Variants in GFPT2 observed in about 807,000 individuals in gnomAD.
The protein encoded by GFPT2 is glutamine--fructose-6-phosphate transaminase 2, also known as glutamine--fructose-6-phosphate aminotransferase [isomerizing] 2.
A neutral mutation model predicts 85.6 loss-of-function variants in GFPT2; 62 were observed. That is an observed-to-expected ratio of 0.72 (90% CI 0.59 to 0.90). The LOEUF (loss-of-function observed/expected upper bound fraction) is 0.90. Among genes scored for constraint, GFPT2 ranks in the 40% least tolerant of loss-of-function variants. The pLI is 0.00. For synonymous variants in GFPT2, 368 were observed against 344.5 expected (o/e 1.07, Z -0.75); for missense variants, 788 against 893.4 (o/e 0.88, Z 1.50).
chr5:180,347,040 C>A (rs1764622754), intron 1 of GFPT2, among the ~76,000 whole-genome samples: 1 of 152,208 alleles, frequency 6.6e-6, no homozygotes, highest in African/African-American at 2.4e-5. Context: ...TTATTTCTCA[C>A]ATTGAAGAGA....
intron 3 of GFPT2, 197 bp from the exon 4 acceptor site, chr5:180,336,150 C>T: frequency 1.7e-6 from 1 of 573,120 alleles, no homozygotes; most frequent in East Asian, 2.9e-5. Context: ...TGTAGCTTAG[C>T]TCACTTCTTC....
intron 1 of GFPT2, among the ~76,000 whole-genome samples, chr5:180,343,242 T>C (rs1185444985): frequency 1.3e-5 from 2 of 151,920 alleles, no homozygotes; most frequent in Non-Finnish European, 2.9e-5. Flanking sequence ...CCCCTGCAGC[T>C]CCCCCACCTC....
chr5:180,301,972 G>A (rs963545291), intron 18 of GFPT2, among the ~76,000 whole-genome samples: 3 of 151,174 alleles, frequency 2.0e-5, no homozygotes, highest in Non-Finnish European at 4.4e-5. Flanking sequence ...GGAGTGGGAA[G>A]GAAAGGTAGG....
At chr5:180,337,183 G>A (rs187615447) in intron 2 of GFPT2, among the ~76,000 whole-genome samples, 8 of 152,290 alleles carry the variant, frequency 5.3e-5, no homozygotes, top group African/African-American at 1.7e-4. Context: ...GGCCGGGTGC[G>A]GTGGCTCACG....
intron 4 of GFPT2, among the ~76,000 whole-genome samples, chr5:180,332,259 G>A (rs903245591): frequency 2.4e-5 from 3 of 124,198 alleles, no homozygotes; most frequent in African/African-American, 4.1e-5. Flanking sequence ...GGGGAGCAGG[G>A]GGATGCGGGG....
chr5:180,307,355 C>T lies in GFPT2; in HGVS notation c.1547-52G>A, dbSNP rs201502340. 1.3e-4 allele frequency: 207 copies of T among 1,592,796 alleles called. No individual in the cohort carries two copies. The Middle Eastern group carries it at 4.3e-3, about 33-fold the overall frequency. On this transcript the variant is annotated intron_variant, in intron 15 of 18. Coordinates refer to ENST00000253778, the MANE Select transcript of GFPT2 (RefSeq NM_005110.4). ...AAAACCAGTCAGGCCGACTTTAAAG[C>T]AATATTCATGAAGACAAATGCTGGG...
intron 17 of GFPT2, among the ~76,000 whole-genome samples, chr5:180,303,201 G>A (rs1168786860): frequency 2.0e-5 from 3 of 148,126 alleles, no homozygotes; most frequent in African/African-American, 7.6e-5. Flanking sequence ...CTGCACTCCA[G>A]CCTGGGCGAC....
intron 15 of GFPT2, among the ~76,000 whole-genome samples, chr5:180,308,792 C>A (rs114801691): frequency 0.021 from 3,156 of 152,140 alleles, 80 homozygotes; most frequent in East Asian, 0.098. Context: ...GTATGTAAAT[C>A]TTCTTAAAAT....
chr5:180,338,007 C>CT (rs1310739153), intron 2 of GFPT2, among the ~76,000 whole-genome samples: 2 of 152,192 alleles, frequency 1.3e-5, no homozygotes, highest in African/African-American at 4.8e-5. Flanking sequence ...TGGTGCACGC[C>CT]TGTAGTCCCA....
In GFPT2 at chr5:180,318,902, G is replaced by A. The variant is rs764143873; in HGVS notation, c.849C>T (p.Ala283=). 52 of 1,613,666 alleles carry A rather than the reference G, an allele frequency of 3.2e-5. No individual in the cohort carries two copies. The Admixed American group carries it at 4.2e-4, about 13-fold the overall frequency. ...RVIFLEDDDI[A]AVADGKLSIH... is the part of the protein sequence containing the mutation. Reference sequence around the variant, plus strand: ...TGGAGAGTTTCCCATCAGCCACTGCGGCGATGTCATCGTCCTCCAGGAAGA... The same window carrying A: ...TGGAGAGTTTCCCATCAGCCACTGCAGCGATGTCATCGTCCTCCAGGAAGA... Residue 283 remains alanine, a synonymous_variant, in exon 10 of 19, where the codon GCC becomes GCT. Transcript: ENST00000253778. This position sits in a 1 kb window ranked among gnomAD's most constrained non-coding sequence, Gnocchi z 4.2.
At chr5:180,313,266 G>C (rs1189564667) in intron 14 of GFPT2, among the ~76,000 whole-genome samples, 1 of 152,078 alleles carries the variant, frequency 6.6e-6, no homozygotes, top group Non-Finnish European at 1.5e-5. Flanking sequence ...ACGAAACACA[G>C]GAACGTGGCA....
chr5:180,311,983 G>A lies in GFPT2; in HGVS notation c.1546+447C>T, dbSNP rs1021062030. On this transcript the variant is annotated intron_variant, in intron 15 of 18. Transcript: ENST00000253778. ...GGAGGCAGGGAGGCTGAGGACCAGG[G>A]AGGCAGGGAGGTGGGGAGGCTGAGG... Among the ~76,000 whole-genome samples, 12 of 135,940 alleles carry A rather than the reference G, an allele frequency of 8.8e-5. No homozygotes were observed. The South Asian group carries it at 2.8e-3, about 31-fold the overall frequency. 89.2% of individuals were successfully genotyped at this position (135,940 alleles called of 152,430 possible).
At chr5:180,316,555 G>T in intron 12 of GFPT2, 94 bp from the exon 13 acceptor site, 1 of 1,379,146 alleles carries the variant, frequency 7.3e-7, no homozygotes, top group South Asian at 1.2e-5. Flanking sequence ...TTGTGACACG[G>T]AACCTCACTG....
At chr5:180,347,665 G>A (rs1764635469) in intron 1 of GFPT2, among the ~76,000 whole-genome samples, 2 of 152,178 alleles carry the variant, frequency 1.3e-5, no homozygotes, top group African/African-American at 2.4e-5. Context: ...CGCAGGCAGG[G>A]CCTCTGAAGC....
intron 1 of GFPT2, among the ~76,000 whole-genome samples, chr5:180,339,933 G>A (rs959600548): frequency 6.6e-6 from 1 of 152,246 alleles, no homozygotes; most frequent in African/African-American, 2.4e-5. Flanking sequence ...GCAATAGTAT[G>A]GGTCATAGAA....
chr5:180,352,631 GA>G (rs1764735612), intron 1 of GFPT2: 1 of 448,800 alleles, frequency 2.2e-6, no homozygotes, highest in South Asian at 1.6e-5. Context: ...ACGCGGCAGC[GA>G]CCCTTCTAGG....
intron 2 of GFPT2, 87 bp from the exon 3 acceptor site, chr5:180,336,664 T>C (rs942933722): frequency 2.3e-6 from 2 of 854,418 alleles, no homozygotes; most frequent in African/African-American, 3.3e-5. Flanking sequence ...CAGGGCTGCA[T>C]GCCCCGGGCT....
chr5:180,304,740 A>G lies in GFPT2; in HGVS notation c.1842+32T>C, dbSNP rs776844983. Reference sequence around the variant, plus strand: ...GGGCATGCATGGGGAAAAGCAGGAGAGAGCTGGCCCAGTCCAGTGGAGAGC... The same window carrying G: ...GGGCATGCATGGGGAAAAGCAGGAGGGAGCTGGCCCAGTCCAGTGGAGAGC... On this transcript the variant is annotated intron_variant, in intron 17 of 18. Transcript: ENST00000253778. The G allele has an allele frequency of 5.0e-6, 8 of 1,584,684 alleles. No individual in the cohort carries two copies. In the Admixed American group the frequency reaches 8.4e-5, roughly 17 times the overall value.
chr5:180,331,767 C>T, intron 4 of GFPT2: 2 of 575,472 alleles, frequency 3.5e-6, no homozygotes, highest in Non-Finnish European at 6.3e-6. Context: ...GCAGCGGCTA[C>T]TACAATGGGA....
Sources: gnomAD v4.1 joint callset for allele counts (sites outside exome capture counted in the v4.1 genomes callset) on GRCh38, gnomAD v4.1.1 for gene constraint, Gnocchi (gnomAD v3.1) non-coding constraint, MANE v1.5 for transcripts, NCBI Gene and HGNC (gene_info 2026-07-23, HGNC 2026-07-21) for gene names.